Variants in COL1A2 observed in about 807,000 individuals in gnomAD.
COL1A2 encodes the protein collagen type I alpha 2 chain.
COL1A2 carries 49 observed loss-of-function variants against 174.3 expected under a neutral mutation model. The ratio of observed to expected loss-of-function variants is 0.28; its 90% CI spans 0.22 to 0.36. The LOEUF is 0.36. Among genes scored for constraint, COL1A2 ranks in the 10% least tolerant of loss-of-function variants. The pLI is 1.00. For missense variants in COL1A2, 1,438 were observed against 1,822.7 expected, an observed-to-expected ratio of 0.79 and a Z score of 3.84; for synonymous variants, 655 against 606.6, an observed-to-expected ratio of 1.08 and a Z score of -1.17.
chr7:94,430,407 A>G lies in COL1A2; in HGVS notation c.*14A>G, dbSNP rs1396248702. 3 of 1,610,752 alleles carry G rather than the reference A, an allele frequency of 1.9e-6. No individual in the cohort carries two copies. Among genetic ancestry groups the G allele is most frequent in the Admixed American group, 1.7e-5 (1 of 59,506 alleles). ...TGTTTCAAATAAATGAACTCAATCTAAATTAAAAAAGAAAGAAATTTGAAA... is the reference window on the plus strand; with the variant it reads ...TGTTTCAAATAAATGAACTCAATCTGAATTAAAAAAGAAAGAAATTTGAAA... On this transcript the variant is annotated 3_prime_UTR_variant, in exon 52 of 52. Transcript: ENST00000297268.
At chr7:94,411,030 TCTG>T (rs1432724919) in intron 22 of COL1A2, 23 bp from the exon 23 acceptor site, 8 of 1,586,638 alleles carry the variant, frequency 5.0e-6, no homozygotes, top group South Asian at 1.1e-5. Context: ...TCCTCCTCTA[TCTG>T]TTTTTTTTTT....
rs794727557 is a variant in COL1A2 at position 94,417,826 on chromosome 7, G to A, written c.1966G>A (p.Glu656Lys). ...GAAGIPGGKG[E>K]KGEPGLRGEI... Reference sequence around the variant, plus strand: ...TGCTGGCATACCTGGAGGCAAGGGAGAAAAGGTACGTGTTGACCCCTATTA... The same window carrying A: ...TGCTGGCATACCTGGAGGCAAGGGAAAAAAGGTACGTGTTGACCCCTATTA... Residue 656 changes from glutamate to lysine, a missense_variant, in exon 32 of 52, where the codon GAA becomes AAA. Around this residue, in one of 3 missense-constraint regions of COL1A2, gnomAD observed 867 missense variants for 1,213.7 expected, o/e 0.71. Transcript: ENST00000297268. 6.3e-7 allele frequency: 1 copy of A among 1,595,044 alleles called. No individual in the cohort carries two copies. Among genetic ancestry groups the A allele is most frequent in the Non-Finnish European group, 8.5e-7 (1 of 1,170,034 alleles).
rs1792052609 is a variant in COL1A2 at position 94,416,830 on chromosome 7, A to G, written c.1863+327A>G. ...TCATTGGACATTATTTTCAGAGAAA[A>G]TAACTTTTTATCTTAACATCTCATC... On this transcript the variant is annotated intron_variant, in intron 31 of 51. Transcript: ENST00000297268. 3 of 244,700 alleles carry G rather than the reference A, an allele frequency of 1.2e-5. No individual in the cohort carries two copies. In the South Asian group the frequency reaches 2.2e-4, roughly 18 times the overall value. 15.2% of individuals were successfully genotyped at this position (244,700 alleles called of 1,614,324 possible).
Position 94,412,014 on chromosome 7 carries a change from CT to C in COL1A2, c.1351-52del, listed in dbSNP as rs1260012552. 6 of 1,466,622 alleles carry C rather than the reference CT, an allele frequency of 4.1e-6. No homozygotes were observed. The African/African-American group carries it at 7.0e-5, about 17-fold the overall frequency. The allele number at this position is 1,466,622 out of a possible 1,614,324, so 90.9% of individuals were successfully genotyped here. The stretch of plus-strand genomic sequence containing the variant: ...TTGTTAGACTTCAGTTAATCTAAGG[CT>C]TGAGTATGTAAGTTAAAGTGCCAAT... On this transcript the variant is annotated intron_variant, in intron 23 of 51. Coordinates refer to ENST00000297268, the MANE Select transcript of COL1A2 (RefSeq NM_000089.4).
Position 94,429,083 on chromosome 7 carries a change from T to C in COL1A2, c.3712-105T>C, listed in dbSNP as rs6465412. The C allele has an allele frequency of 0.29, 259,254 of 882,434 alleles. 52,473 individuals carry two copies. The highest frequency in any genetic ancestry group is 0.81 in the African/African-American group (44,586 of 55,240). 54.7% of individuals were successfully genotyped at this position (882,434 alleles called of 1,614,324 possible). ...CTTTTCCTAAGCTTGGATCTGAGTC[T>C]ACTCTTCCTGAGATCTTTTTTTTTC... On this transcript the variant is annotated intron_variant, in intron 50 of 51. Transcript: ENST00000297268.
At chr7:94,399,248 T>A (rs1235623668) in intron 4 of COL1A2, among the ~76,000 whole-genome samples, 164 bp downstream of exon 4, 3 of 152,212 alleles carry the variant, frequency 2.0e-5, no homozygotes, top group Non-Finnish European at 4.4e-5. Flanking sequence ...CATTATTATA[T>A]ATGATCAATA....
Position 94,430,974 on chromosome 7 carries a change from T to C in COL1A2, c.*581T>C, listed in dbSNP as rs770148261. The C allele has an allele frequency of 6.5e-6, 1 of 152,688 alleles. No homozygotes were observed. Among genetic ancestry groups the C allele is most frequent in the Non-Finnish European group, 1.5e-5 (1 of 68,098 alleles). The allele number at this position is 152,688 out of a possible 1,614,324, so 9.5% of individuals were successfully genotyped here. ...TTGAGTTGTATCGTGTGGTGTATTT[T>C]TTAAAAAATTTGATTTAGCATTCAT... On this transcript the variant is annotated 3_prime_UTR_variant, in exon 52 of 52. Coordinates refer to ENST00000297268, the MANE Select transcript of COL1A2 (RefSeq NM_000089.4).
intron 44 of COL1A2, 37 bp from the exon 45 acceptor site, chr7:94,425,961 G>A (rs765393091): frequency 1.9e-6 from 3 of 1,612,380 alleles, no homozygotes; most frequent in South Asian, 1.1e-5. Context: ...GGTATCTTGG[G>A]CCTAGCTAAG....
intron 2 of COL1A2, 146 bp downstream of exon 2, chr7:94,397,904 C>A: frequency 1.8e-6 from 1 of 543,752 alleles, no homozygotes; most frequent in Non-Finnish European, 3.2e-6. Context: ...TAGTCAAAAC[C>A]TTTCTGGCTG....
intron 20 of COL1A2, 41 bp from the exon 21 acceptor site, chr7:94,410,379 A>AT (rs776366211): frequency 1.3e-6 from 2 of 1,571,372 alleles, no homozygotes; most frequent in African/African-American, 1.4e-5. Context: ...TATTAAAATT[A>AT]TTTTTTTACT....
chr7:94,428,185 C>A, intron 49 of COL1A2, 108 bp from the exon 50 acceptor site: 1 of 1,025,930 alleles, frequency 9.7e-7, no homozygotes. Context: ...ATGGGGTAGA[C>A]AATCAAAAAT....
At chr7:94,420,878 T>C in intron 37 of COL1A2, 131 bp from the exon 38 acceptor site, 1 of 993,896 alleles carries the variant, frequency 1.0e-6, no homozygotes, top group East Asian at 2.5e-5. Flanking sequence ...TGAAGAACAT[T>C]CTGACACAGA....
At position 94,426,623 on chromosome 7, in the gene COL1A2, T is replaced by C. The variant is rs150784697; in HGVS notation, c.3105+93T>C. 36 of 942,280 alleles carry C rather than the reference T, an allele frequency of 3.8e-5. No homozygotes were observed. The African/African-American group carries it at 4.7e-4, about 12-fold the overall frequency. The allele number at this position is 942,280 out of a possible 1,614,324, so 58.4% of individuals were successfully genotyped here. A position where few individuals can be genotyped will look rare whatever the true frequency, so the allele number is the denominator to read the frequency against. ...TATTTTCACTGCTATTGTTCCAGTA[T>C]AGCCTATATAATATCCATTTCCCAT... On this transcript the variant is annotated intron_variant, in intron 46 of 51. Transcript: ENST00000297268.
intron 34 of COL1A2, among the ~76,000 whole-genome samples, 176 bp downstream of exon 34, chr7:94,419,727 C>T (rs979283907): frequency 6.6e-6 from 1 of 152,172 alleles, no homozygotes; most frequent in East Asian, 1.9e-4. Flanking sequence ...AATTACTTTT[C>T]CCTTCCTATA....
Position 94,428,458 on chromosome 7 carries a change from C to T in COL1A2, c.3692C>T (p.Thr1231Ile), listed in dbSNP as rs745867514. The change falls in exon 50 of 52, where the codon ACT becomes ATT. Residue 1231 changes from threonine (T) to isoleucine (I), a missense_variant. Physicochemically the swap from Thr to Ile is moderately conservative, Grantham distance 89. Transcript: ENST00000297268. ...KDKKHVWLGE[T>I]INAGSQFEYN... is the part of the protein sequence containing the mutation. ...AAGAAACACGTCTGGCTAGGAGAAA[C>T]TATCAATGCTGGCAGCCAGGTGAGG... is the stretch of plus-strand genomic sequence containing the variant. The T allele has an allele frequency of 9.9e-6, 16 of 1,613,836 alleles. 1 individual carries two copies. The South Asian group carries it at 1.6e-4, about 17-fold the overall frequency.
chr7:94,424,526 CT>C, intron 41 of COL1A2, 83 bp downstream of exon 41: 1 of 1,205,720 alleles, frequency 8.3e-7, no homozygotes, highest in Non-Finnish European at 1.2e-6. Flanking sequence ...AGATTGATCA[CT>C]GAATAACTTC....
chr7:94,426,966 C>G, intron 46 of COL1A2, 42 bp from the exon 47 acceptor site: 1 of 1,565,736 alleles, frequency 6.4e-7, no homozygotes, highest in African/African-American at 1.4e-5. Context: ...TGTCTCTTGA[C>G]ATGTGCTCTG....
At chr7:94,430,028 GGTTTGTTT>G (rs927582959) in intron 51 of COL1A2, 16 of 578,294 alleles carry the variant, frequency 2.8e-5, no homozygotes, top group African/African-American at 1.1e-4. Flanking sequence ...TGGTTTTTTT[GGTTTGTTT>G]GTTTGTTTGT....
chr7:94,415,295 A>G (rs1448857912), intron 30 of COL1A2, 25 bp downstream of exon 30: 1 of 1,610,788 alleles, frequency 6.2e-7, no homozygotes. Context: ...ATTAACTTTC[A>G]TAAACTCTGG....
Sources: gnomAD v4.1 joint callset for allele counts (sites outside exome capture counted in the v4.1 genomes callset) on GRCh38, gnomAD v4.1.1 for gene constraint, gnomAD v4.1.1 regional missense constraint, MANE v1.5 for transcripts, NCBI Gene and HGNC (gene_info 2026-07-23, HGNC 2026-07-21) for gene names.